ERBB4: variants seen among roughly 807,000 people sequenced by gnomAD.
The protein encoded by ERBB4 is receptor tyrosine-protein kinase erbB-4.
A neutral mutation model predicts 158.0 loss-of-function variants in ERBB4; 42 were observed. That is an observed-to-expected ratio of 0.27 (90% CI 0.21 to 0.34). The LOEUF (loss-of-function observed/expected upper bound fraction) is 0.34. ERBB4 is among the 10% of genes least tolerant of loss of function. The probability of loss-of-function intolerance (pLI) is 1.00; values close to 1 mark genes in which losing one functional copy is unlikely to be tolerated. For synonymous variants in ERBB4, 583 were observed against 558.7 expected, an observed-to-expected ratio of 1.04 and a Z score of -0.61; for missense variants, 1,333 against 1,624.1, an observed-to-expected ratio of 0.82 and a Z score of 3.08.
At chr2:212,451,120 G>T (rs551520860) in intron 1 of ERBB4, among the ~76,000 whole-genome samples, 80 of 152,228 alleles carry the variant, frequency 5.3e-4, no homozygotes, top group Admixed American at 2.0e-3. Flanking sequence ...AATCCGAGAA[G>T]GAGGCAGACT....
At chr2:211,759,772 A>G (rs1413753029) in intron 4 of ERBB4, among the ~76,000 whole-genome samples, 2 of 151,838 alleles carry the variant, frequency 1.3e-5, no homozygotes, top group Non-Finnish European at 2.9e-5. Flanking sequence ...AAAAAAATTC[A>G]TAACCTTGAA....
intron 19 of ERBB4, among the ~76,000 whole-genome samples, chr2:211,571,157 C>A (rs2067718684): frequency 6.6e-6 from 1 of 151,244 alleles, no homozygotes; most frequent in African/African-American, 2.4e-5. Context: ...ATTCTCCTGC[C>A]TCAGCCTCCT....
At chr2:212,467,478 T>C (rs1375534896) in intron 1 of ERBB4, among the ~76,000 whole-genome samples, 3 of 152,180 alleles carry the variant, frequency 2.0e-5, no homozygotes, top group Non-Finnish European at 4.4e-5. Flanking sequence ...AGGGCCAACA[T>C]AGAGCTCAGG....
chr2:211,847,336 C>A (rs973889196), intron 3 of ERBB4, among the ~76,000 whole-genome samples: 12 of 152,138 alleles, frequency 7.9e-5, no homozygotes, highest in African/African-American at 2.9e-4. Context: ...CAATAACCAA[C>A]AAGTAGTTAC....
chr2:212,240,914 C>G (rs943705108), intron 1 of ERBB4, among the ~76,000 whole-genome samples: 1 of 152,042 alleles, frequency 6.6e-6, no homozygotes, highest in South Asian at 2.1e-4. Context: ...ATAGGGTCCT[C>G]AACCATGGAC....
chr2:211,601,965 G>A (rs536957255), intron 19 of ERBB4, among the ~76,000 whole-genome samples: 120 of 152,270 alleles, frequency 7.9e-4, no homozygotes, highest in Non-Finnish European at 1.6e-3. Context: ...TGTGTCCTCT[G>A]TGATAAATAA....
At chr2:211,675,210 A>G (rs1228880508) in intron 13 of ERBB4, among the ~76,000 whole-genome samples, 8 of 23,010 alleles carry the variant, frequency 3.5e-4, no homozygotes, top group Admixed American at 1.3e-3. Context: ...AGCTTTGGAT[A>G]GGGAGCTTTG....
At chr2:212,279,143 G>A (rs1382322609) in intron 1 of ERBB4, among the ~76,000 whole-genome samples, 1 of 151,464 alleles carries the variant, frequency 6.6e-6, no homozygotes, top group Non-Finnish European at 1.5e-5. Context: ...TGAGTTATGA[G>A]TATAGAAGAG....
In ERBB4 at chr2:211,826,200, C is replaced by T. The variant is rs567117347; in HGVS notation, c.422-38041G>A. Among the ~76,000 whole-genome samples the T allele has an allele frequency of 7.3e-5, 11 of 151,376 alleles. No homozygotes were observed. The South Asian group carries it at 1.9e-3, about 26-fold the overall frequency. On this transcript the variant is annotated intron_variant, in intron 3 of 27. Transcript: ENST00000342788. ...GTAGTGTGGTATAAGGAGAATTGCA[C>T]AAAATTAGTAAGAATCATAGAGTGC... is the stretch of plus-strand genomic sequence containing the variant.
At chr2:212,273,555 A>G (rs1250144165) in intron 1 of ERBB4, among the ~76,000 whole-genome samples, 2 of 151,806 alleles carry the variant, frequency 1.3e-5, no homozygotes, top group Non-Finnish European at 2.9e-5. Context: ...TCACATTAGC[A>G]GGCCAGAATA....
intron 20 of ERBB4, among the ~76,000 whole-genome samples, chr2:211,472,677 A>G (rs1372302430): frequency 1.3e-5 from 2 of 151,828 alleles, no homozygotes; most frequent in Non-Finnish European, 2.9e-5. Context: ...CCTTTTACTT[A>G]TTCTTCAATC....
intron 12 of ERBB4, among the ~76,000 whole-genome samples, chr2:211,698,667 T>C (rs1022627995): frequency 6.6e-5 from 10 of 152,122 alleles, no homozygotes; most frequent in African/African-American, 2.4e-4. Flanking sequence ...GGTTTAACAG[T>C]ATCTGTATAA....
chr2:211,427,908 G>T (rs1471699097), intron 22 of ERBB4, among the ~76,000 whole-genome samples: 1 of 140,998 alleles, frequency 7.1e-6, no homozygotes, highest in Non-Finnish European at 1.5e-5. Context: ...CATCTTAGCA[G>T]AAATATTAGT....
At chr2:211,560,775 G>A (rs2067370064) in intron 20 of ERBB4, among the ~76,000 whole-genome samples, 1 of 152,082 alleles carries the variant, frequency 6.6e-6, no homozygotes, top group Non-Finnish European at 1.5e-5. Context: ...CAGTCCATAA[G>A]GAAACTCTAC....
At chr2:212,071,058 C>A (rs2078101352) in intron 2 of ERBB4, among the ~76,000 whole-genome samples, 1 of 151,906 alleles carries the variant, frequency 6.6e-6, no homozygotes, top group African/African-American at 2.4e-5. Flanking sequence ...AAACTGCACT[C>A]TTGAACAAGT....
At chr2:212,454,636 C>T (rs1688186177) in intron 1 of ERBB4, among the ~76,000 whole-genome samples, 1 of 152,140 alleles carries the variant, frequency 6.6e-6, no homozygotes, top group Admixed American at 6.6e-5. Flanking sequence ...GAGAACTCTT[C>T]ATTAATCAAA....
intron 3 of ERBB4, among the ~76,000 whole-genome samples, chr2:211,863,596 C>A (rs1393418478): frequency 6.6e-6 from 1 of 152,186 alleles, no homozygotes; most frequent in Non-Finnish European, 1.5e-5. Flanking sequence ...GTAACACTCA[C>A]TGTGAGGATC....
At chr2:212,179,106 T>C (rs548188154) in intron 1 of ERBB4, among the ~76,000 whole-genome samples, 4 of 151,624 alleles carry the variant, frequency 2.6e-5, no homozygotes, top group Non-Finnish European at 5.9e-5. Context: ...TGGTAAGACA[T>C]AGAATCATTA....
At chr2:212,003,195 A>G (rs1170117549) in intron 2 of ERBB4, among the ~76,000 whole-genome samples, 2 of 67,100 alleles carry the variant, frequency 3.0e-5, no homozygotes, top group Non-Finnish European at 7.5e-5. Flanking sequence ...GAAAGAAAGA[A>G]AGAAAGAAAG....
Sources: gnomAD v4.1 joint callset for allele counts (sites outside exome capture counted in the v4.1 genomes callset) on GRCh38, gnomAD v4.1.1 for gene constraint, MANE v1.5 for transcripts, NCBI Gene and HGNC (gene_info 2026-07-23, HGNC 2026-07-21) for gene names.